CMTM7: variants seen among roughly 807,000 people sequenced by gnomAD.
CMTM7 encodes CKLF-like MARVEL transmembrane domain-containing protein 7.
In CMTM7, 7 loss-of-function variants were observed where a neutral mutation model predicts 19.3. The observed-to-expected ratio is 0.36, with a 90% CI of 0.21 to 0.68. The LOEUF is 0.68. Among genes scored for constraint, CMTM7 ranks in the 30% least tolerant of loss-of-function variants. The pLI, the probability that CMTM7 is intolerant of heterozygous loss-of-function variation, is 0.60. For missense variants in CMTM7, 193 were observed against 232.6 expected (o/e 0.83, Z 1.11); for synonymous variants, 87 against 99.3 (o/e 0.88, Z 0.74).
At position 32,452,502 on chromosome 3, in the gene CMTM7, ATC is replaced by A. The variant is rs780498316; in HGVS notation, c.514+34_514+35del. The A allele has an allele frequency of 1.3e-5, 21 of 1,606,984 alleles. No individual in the cohort carries two copies. The African/African-American group carries it at 2.5e-4, about 19-fold the overall frequency. On this transcript the variant is annotated intron_variant, in intron 4 of 4. Transcript: ENST00000334983. ...AGTTCTGGTTATCTGTGCACAGAGG[ATC>A]TCTCAGGAACAGGGGGATGGCTTGT...
intron 1 of CMTM7, among the ~76,000 whole-genome samples, chr3:32,429,535 C>T (rs904208378): frequency 2.0e-5 from 3 of 151,962 alleles, no homozygotes; most frequent in East Asian, 1.9e-4. Context: ...AAGTGATCCA[C>T]CTGCCTTGGC....
chr3:32,395,190 A>G (rs1695897300), intron 1 of CMTM7, among the ~76,000 whole-genome samples: 1 of 152,232 alleles, frequency 6.6e-6, no homozygotes, highest in African/African-American at 2.4e-5. Flanking sequence ...TTTTTGATAC[A>G]GACGGGGTTT....
intron 4 of CMTM7, among the ~76,000 whole-genome samples, chr3:32,453,802 A>G (rs770192672): frequency 2.6e-5 from 4 of 152,184 alleles, no homozygotes; most frequent in African/African-American, 9.7e-5. Context: ...GGAGAATTGT[A>G]TGGTATGTGA....
intron 1 of CMTM7, among the ~76,000 whole-genome samples, chr3:32,423,901 T>C (rs1346957884): frequency 3.9e-5 from 6 of 152,212 alleles, no homozygotes; most frequent in African/African-American, 1.2e-4. Context: ...TCAGCTTCCC[T>C]GTGCAAAGAA....
At chr3:32,393,181 T>G (rs1322694178) in intron 1 of CMTM7, among the ~76,000 whole-genome samples, 4 of 152,102 alleles carry the variant, frequency 2.6e-5, no homozygotes, top group African/African-American at 9.7e-5. Flanking sequence ...AGACACTGAG[T>G]GTGCATGAGG....
chr3:32,403,217 C>T (rs61026052), intron 1 of CMTM7, among the ~76,000 whole-genome samples: 23,966 of 151,934 alleles, frequency 0.16, 2,094 homozygotes, highest in East Asian at 0.28. Flanking sequence ...TTTTGTTGTT[C>T]TTGTTGTTTG....
At chr3:32,438,874 G>A (rs549555009) in intron 1 of CMTM7, among the ~76,000 whole-genome samples, 1 of 152,332 alleles carries the variant, frequency 6.6e-6, no homozygotes, top group East Asian at 1.9e-4. Flanking sequence ...AGCTAACTTT[G>A]TCTTCAACGA....
intron 3 of CMTM7, chr3:32,452,169 C>A: frequency 6.6e-7 from 1 of 1,505,898 alleles, no homozygotes; most frequent in Non-Finnish European, 8.9e-7. Flanking sequence ...TGGCTGCCAG[C>A]CCTGACCTGG....
At chr3:32,411,989 A>G (rs988860080) in intron 1 of CMTM7, among the ~76,000 whole-genome samples, 3 of 152,174 alleles carry the variant, frequency 2.0e-5, no homozygotes, top group Admixed American at 2.0e-4. Flanking sequence ...GAGTTGGGAG[A>G]AAAAGTACAA....
intron 1 of CMTM7, among the ~76,000 whole-genome samples, chr3:32,410,395 C>G (rs1255708872): frequency 2.0e-5 from 3 of 152,238 alleles, no homozygotes; most frequent in African/African-American, 7.2e-5. Context: ...TTTTCTTTGA[C>G]AAAGCCTTTG....
chr3:32,430,680 A>AGTGTGTGTGT (rs1696503255), intron 1 of CMTM7, among the ~76,000 whole-genome samples: 1 of 33,146 alleles, frequency 3.0e-5, no homozygotes, highest in Non-Finnish European at 7.7e-5. Flanking sequence ...TCTACATCTG[A>AGTGTGTGTGT]ATGTGTGTGT....
At position 32,434,175 on chromosome 3, in the gene CMTM7, G is replaced by A. The variant is rs181958564; in HGVS notation, c.160-7665G>A. Among the ~76,000 whole-genome samples, 11 of 152,188 alleles carry A rather than the reference G, an allele frequency of 7.2e-5. No individual in the cohort carries two copies. In the East Asian group the frequency reaches 1.7e-3, roughly 24 times the overall value. On this transcript the variant is annotated intron_variant, in intron 1 of 4. Coordinates refer to ENST00000334983, the MANE Select transcript of CMTM7 (RefSeq NM_138410.4). ...TTAAACTCCAGCCTGGGCAACAAGA[G>A]TGAAGCTCCGTCTCAAAAAATAATA...
At position 32,429,669 on chromosome 3, in the gene CMTM7, TG is replaced by T. The variant is rs1157541092; in HGVS notation, c.160-12169del. ...AGGCTGGAGTGCAGTGGCGCGATCTTGGCTCACTGCAAGCTCTGTCTCCCAG... is the reference window on the plus strand; with the variant it reads ...AGGCTGGAGTGCAGTGGCGCGATCTTGCTCACTGCAAGCTCTGTCTCCCAG... On this transcript the variant is annotated intron_variant, in intron 1 of 4. Coordinates refer to ENST00000334983, the MANE Select transcript of CMTM7 (RefSeq NM_138410.4). Among the ~76,000 whole-genome samples, 22 of 151,006 alleles carry T rather than the reference TG, an allele frequency of 1.5e-4. No homozygotes were observed. The East Asian group carries it at 2.2e-3, about 15-fold the overall frequency.
intron 3 of CMTM7, chr3:32,451,948 G>T (rs770150213): frequency 3.5e-5 from 22 of 625,902 alleles, no homozygotes; most frequent in Non-Finnish European, 5.4e-5. Context: ...AGCCAGAATG[G>T]AACAGAAAGT....
intron 1 of CMTM7, among the ~76,000 whole-genome samples, chr3:32,396,209 A>G (rs1695915571): frequency 6.6e-6 from 1 of 152,112 alleles, no homozygotes; most frequent in African/African-American, 2.4e-5. Context: ...AAAATGTTCA[A>G]AAAATTGGTG....
chr3:32,435,178 T>G (rs238365), intron 1 of CMTM7, among the ~76,000 whole-genome samples: 1 of 151,908 alleles, frequency 6.6e-6, no homozygotes, highest in African/African-American at 2.4e-5. Context: ...CCGAGGCGGG[T>G]GGATCACGAG....
At chr3:32,435,989 C>G (rs1250630821) in intron 1 of CMTM7, among the ~76,000 whole-genome samples, 1 of 152,166 alleles carries the variant, frequency 6.6e-6, no homozygotes, top group Non-Finnish European at 1.5e-5. Context: ...AGAATTACCC[C>G]CAGCATGGAC....
At position 32,424,558 on chromosome 3, in the gene CMTM7, G is replaced by A. The variant is rs568982712; in HGVS notation, c.160-17282G>A. On this transcript the variant is annotated intron_variant, in intron 1 of 4. Coordinates refer to ENST00000334983, the MANE Select transcript of CMTM7 (RefSeq NM_138410.4). Reference sequence around the variant, plus strand: ...TTTATACCCCATTACCAAGGCCAAAGGATTCAGAATATCTGGTTGCAGGGA... The same window carrying A: ...TTTATACCCCATTACCAAGGCCAAAAGATTCAGAATATCTGGTTGCAGGGA... Among the ~76,000 whole-genome samples, 5 of 152,204 alleles carry A rather than the reference G, an allele frequency of 3.3e-5. No homozygotes were observed. In the South Asian group the frequency reaches 8.3e-4, roughly 25 times the overall value.
intron 1 of CMTM7, among the ~76,000 whole-genome samples, chr3:32,398,990 C>A (rs1695959916): frequency 6.6e-6 from 1 of 151,884 alleles, no homozygotes; most frequent in East Asian, 1.9e-4. Flanking sequence ...CCCATCCCCC[C>A]AAAAAGAAAA....
Sources: gnomAD v4.1 joint callset for allele counts (sites outside exome capture counted in the v4.1 genomes callset) on GRCh38, gnomAD v4.1.1 for gene constraint, MANE v1.5 for transcripts, NCBI Gene and HGNC (gene_info 2026-07-23, HGNC 2026-07-21) for gene names.